PIK3R3: variants seen among roughly 807,000 people sequenced by gnomAD.
The protein encoded by PIK3R3 is phosphatidylinositol 3-kinase regulatory subunit gamma.
Under a neutral mutation model 62.9 loss-of-function variants are expected in PIK3R3, and 64 were observed. That is an observed-to-expected ratio of 1.02 (90% CI 0.83 to 1.25). The LOEUF is 1.25. Among genes scored for constraint, PIK3R3 ranks in the 50% most tolerant of loss-of-function variants. PIK3R3 has a pLI of 0.00. For missense variants in PIK3R3, 614 were observed against 561.6 expected, an observed-to-expected ratio of 1.09 and a Z score of -0.94; for synonymous variants, 165 against 189.0, an observed-to-expected ratio of 0.87 and a Z score of 1.04.
At chr1:46,132,662 C>A (rs963251317), upstream of PIK3R3, 15 of 1,289,652 alleles carry the variant, frequency 1.2e-5, no homozygotes, top group Non-Finnish European at 9.1e-6. Flanking sequence ...ATTTTAACGG[C>A]GCGGAGGGGA....
intron 7 of PIK3R3, among the ~76,000 whole-genome samples, chr1:46,050,193 CA>C (rs1238616593): frequency 6.7e-6 from 1 of 150,332 alleles, no homozygotes; most frequent in Non-Finnish European, 1.5e-5. Flanking sequence ...ATATTCTCTA[CA>C]TAAAAACAAA....
chr1:46,121,461 T>C (rs891306993), intron 1 of PIK3R3, among the ~76,000 whole-genome samples: 2 of 152,150 alleles, frequency 1.3e-5, no homozygotes, highest in African/African-American at 2.4e-5. Flanking sequence ...TTCATTCAGA[T>C]TTTTAATTTT....
In PIK3R3 at chr1:46,101,718, TG is replaced by T. The variant is rs537973990; in HGVS notation, c.107-20969del. Among the ~76,000 whole-genome samples the T allele has an allele frequency of 5.3e-5, 8 of 152,144 alleles. No individual in the cohort carries two copies. In the South Asian group the frequency reaches 6.2e-4, roughly 12 times the overall value. On this transcript the variant is annotated intron_variant, in intron 1 of 9. Coordinates refer to ENST00000262741, the MANE Select transcript of PIK3R3 (RefSeq NM_003629.4). ...CAAATATTGTATGATTCAATTTACATGAAATATCTAGAATAGGCAAATTCAT... is the reference window on the plus strand; with the variant it reads ...CAAATATTGTATGATTCAATTTACATAAATATCTAGAATAGGCAAATTCAT...
At chr1:46,066,713 C>A (rs1649024102) in intron 4 of PIK3R3, among the ~76,000 whole-genome samples, 198 bp downstream of exon 4, 1 of 152,014 alleles carries the variant, frequency 6.6e-6, no homozygotes, top group South Asian at 2.1e-4. Flanking sequence ...ACCACTTGAG[C>A]CCAGAAGGTC....
chr1:46,134,774 G>C (rs1038946063), upstream of PIK3R3: 2 of 152,220 alleles, frequency 1.3e-5, no homozygotes, highest in African/African-American at 2.4e-5. Context: ...CCTTTTGCCT[G>C]GACCACTTTT....
At chr1:46,170,026 C>T in the PIK3R3 span, among the ~76,000 whole-genome samples, 4 of 152,144 alleles carry the variant, frequency 2.6e-5, no homozygotes, top group Admixed American at 2.6e-4. Flanking sequence ...TGAACCCCAC[C>T]ACATGGAGTG....
the PIK3R3 span, among the ~76,000 whole-genome samples, chr1:46,168,359 A>G: frequency 6.6e-6 from 1 of 152,088 alleles, no homozygotes; most frequent in Non-Finnish European, 1.5e-5. Context: ...AAGGACCACG[A>G]CTGATTCAGT....
rs531879342 is a variant in PIK3R3 at position 46,128,235 on chromosome 1, G to A, written c.106+3612C>T. On this transcript the variant is annotated intron_variant, in intron 1 of 9. Transcript: ENST00000262741. ...AGATCACTTGAGGCAAGGAGCTCAGGACCAGCCTGGCCAACATGGCAAAAC... is the reference window on the plus strand; with the variant it reads ...AGATCACTTGAGGCAAGGAGCTCAGAACCAGCCTGGCCAACATGGCAAAAC... Among the ~76,000 whole-genome samples, 15 of 152,144 alleles carry A rather than the reference G, an allele frequency of 9.9e-5. No individual in the cohort carries two copies. In the East Asian group the frequency reaches 2.9e-3, roughly 29 times the overall value.
At chr1:46,133,093 A>C (rs1016008771), upstream of PIK3R3, 2 of 961,554 alleles carry the variant, frequency 2.1e-6, no homozygotes, top group African/African-American at 3.5e-5. Flanking sequence ...GGAGCGGGAG[A>C]CGGCTGCGCG....
chr1:46,160,891 T>C, the PIK3R3 span, among the ~76,000 whole-genome samples: 716 of 152,024 alleles, frequency 4.7e-3, 4 homozygotes, highest in African/African-American at 0.017. Flanking sequence ...CAAAGGAAAA[T>C]GGGGAGACCG....
rs974542089 is a variant in PIK3R3 at position 46,046,801 on chromosome 1, T to A, written c.942-176A>T. The A allele has an allele frequency of 1.6e-5, 9 of 575,874 alleles. No homozygotes were observed. The Admixed American group carries it at 2.9e-4, about 19-fold the overall frequency. 35.7% of individuals were successfully genotyped at this position (575,874 alleles called of 1,614,324 possible). A position where few individuals can be genotyped will look rare whatever the true frequency, so the allele number is the denominator to read the frequency against. On this transcript the variant is annotated intron_variant, in intron 7 of 9. Coordinates refer to ENST00000262741, the MANE Select transcript of PIK3R3 (RefSeq NM_003629.4). ...TCGATTACTTTTCTTTCAACTACTA[T>A]CAAGATGAACTGATCTTTTCCAGAA...
chr1:46,099,300 G>A (rs780480378), intron 1 of PIK3R3, among the ~76,000 whole-genome samples: 12 of 152,120 alleles, frequency 7.9e-5, no homozygotes, highest in Non-Finnish European at 1.8e-4. Context: ...TTTCAATTCA[G>A]GACTTACTTC....
chr1:46,079,168 TA>T (rs1650352674), intron 2 of PIK3R3, among the ~76,000 whole-genome samples: 1 of 152,010 alleles, frequency 6.6e-6, no homozygotes, highest in Non-Finnish European at 1.5e-5. Context: ...AAGGGATAGG[TA>T]AGTGTTCTGA....
In PIK3R3 at chr1:46,072,037, T is replaced by C. The variant is rs1383738969; in HGVS notation, c.315-4946A>G. 5.9e-5 allele frequency among the ~76,000 whole-genome samples: 9 copies of C among 152,106 alleles called. No homozygotes were observed. The East Asian group carries it at 1.7e-3, about 29-fold the overall frequency. On this transcript the variant is annotated intron_variant, in intron 3 of 9. Transcript: ENST00000262741. The stretch of plus-strand genomic sequence containing the variant: ...TTCCTGCTACTCCCCTCCCACTTTC[T>C]ACATGTCCAAACCTATCCCCTTCAA...
At chr1:46,108,749 T>C (rs1176617547) in intron 1 of PIK3R3, among the ~76,000 whole-genome samples, 1 of 152,188 alleles carries the variant, frequency 6.6e-6, no homozygotes. Flanking sequence ...AATCCCTTCT[T>C]GCCTCCACAC....
intron 1 of PIK3R3, among the ~76,000 whole-genome samples, chr1:46,096,816 G>A (rs1343745685): frequency 6.6e-6 from 1 of 150,664 alleles, no homozygotes; most frequent in Non-Finnish European, 1.5e-5. Context: ...ACTCCATCCT[G>A]GGCAACAGAG....
At chr1:46,133,590 A>G (rs1186345139), upstream of PIK3R3, among the ~76,000 whole-genome samples, 1 of 151,988 alleles carries the variant, frequency 6.6e-6, no homozygotes, top group Non-Finnish European at 1.5e-5. Context: ...CCACCTTACC[A>G]CTCAGGGAGA....
intron 4 of PIK3R3, 124 bp from the exon 5 acceptor site, chr1:46,066,303 G>T: frequency 1.5e-6 from 1 of 668,584 alleles, no homozygotes; most frequent in East Asian, 2.7e-5. Flanking sequence ...TATTTCAACT[G>T]TACAACTTTA....
At chr1:46,151,021 G>A in the PIK3R3 span, among the ~76,000 whole-genome samples, 1 of 151,958 alleles carries the variant, frequency 6.6e-6, no homozygotes, top group African/African-American at 2.4e-5. Context: ...ATGTTGGTCA[G>A]GCTGGTCTCG....
Sources: gnomAD v4.1 joint callset for allele counts (sites outside exome capture counted in the v4.1 genomes callset) on GRCh38, gnomAD v4.1.1 for gene constraint, MANE v1.5 for transcripts, NCBI Gene and HGNC (gene_info 2026-07-23, HGNC 2026-07-21) for gene names.